CD8B2: variants seen among roughly 807,000 people sequenced by gnomAD.
CD8B2 encodes T-cell surface glycoprotein CD8 beta-2 chain.
A neutral mutation model predicts 23.7 loss-of-function variants in CD8B2; 11 were observed. The observed-to-expected ratio is 0.46, with a 90% CI of 0.29 to 0.77. The LOEUF (loss-of-function observed/expected upper bound fraction) is 0.77. CD8B2 is among the 30% of genes least tolerant of loss of function. CD8B2 has a pLI of 0.09. For missense variants in CD8B2, 197 were observed against 270.5 expected, an observed-to-expected ratio of 0.73 and a Z score of 1.91; for synonymous variants, 90 against 109.3, an observed-to-expected ratio of 0.82 and a Z score of 1.10.
intron 5 of CD8B2, among the ~76,000 whole-genome samples, chr2:106,530,104 T>C (rs1005077866): frequency 4.6e-5 from 7 of 152,338 alleles, no homozygotes; most frequent in South Asian, 2.1e-4. Flanking sequence ...GCTGCCGGTA[T>C]GAGGACTGCA....
intron 5 of CD8B2, among the ~76,000 whole-genome samples, chr2:106,537,128 G>T (rs1680102171): frequency 1.3e-5 from 2 of 152,188 alleles, no homozygotes; most frequent in South Asian, 4.1e-4. Flanking sequence ...GGGAGAGGAA[G>T]ACAGGACATG....
At chr2:106,529,824 GCT>G (rs905646013) in intron 5 of CD8B2, among the ~76,000 whole-genome samples, 1 of 152,190 alleles carries the variant, frequency 6.6e-6, no homozygotes, top group African/African-American at 2.4e-5. Flanking sequence ...CACTGAGGGA[GCT>G]CTGTCTTTGC....
At chr2:106,520,504 T>C (rs955127900) in intron 5 of CD8B2, among the ~76,000 whole-genome samples, 1 of 152,184 alleles carries the variant, frequency 6.6e-6, no homozygotes, top group African/African-American at 2.4e-5. Flanking sequence ...TCAAGCCTCC[T>C]GAAGTGGCCT....
intron 5 of CD8B2, among the ~76,000 whole-genome samples, chr2:106,534,742 C>T (rs1680059719): frequency 6.6e-6 from 1 of 152,102 alleles, no homozygotes; most frequent in African/African-American, 2.4e-5. Flanking sequence ...TATAAAAGCT[C>T]CCTGGGGAGG....
chr2:106,537,715 G>A (rs973187115), intron 5 of CD8B2, among the ~76,000 whole-genome samples: 1 of 152,334 alleles, frequency 6.6e-6, no homozygotes, highest in African/African-American at 2.4e-5. Flanking sequence ...TGAAGTGGCG[G>A]TCGATTTCTA....
chr2:106,525,712 A>G (rs1679896767), intron 5 of CD8B2, among the ~76,000 whole-genome samples: 1 of 152,218 alleles, frequency 6.6e-6, no homozygotes, highest in Non-Finnish European at 1.5e-5. Context: ...TTTTATATAA[A>G]TAATGTATAA....
chr2:106,516,900 T>A (rs1322978169), intron 5 of CD8B2, among the ~76,000 whole-genome samples: 1 of 148,646 alleles, frequency 6.7e-6, no homozygotes, highest in East Asian at 1.9e-4. Context: ...TATTCATATT[T>A]TTATTATAAT....
chr2:106,501,707 A>C (rs1376185071), intron 3 of CD8B2, among the ~76,000 whole-genome samples: 2 of 152,162 alleles, frequency 1.3e-5, no homozygotes, highest in African/African-American at 4.8e-5. Flanking sequence ...ACAAACGAAC[A>C]AACCCTATAT....
intron 5 of CD8B2, among the ~76,000 whole-genome samples, chr2:106,518,967 C>T (rs574484005): frequency 6.6e-6 from 1 of 152,072 alleles, no homozygotes; most frequent in East Asian, 1.9e-4. Flanking sequence ...ATTCCTCCAT[C>T]CATCTATCCC....
chr2:106,493,597 C>T (rs1679238217), intron 2 of CD8B2, among the ~76,000 whole-genome samples: 1 of 152,146 alleles, frequency 6.6e-6, no homozygotes, highest in Non-Finnish European at 1.5e-5. Context: ...CAGGAGAGGG[C>T]CAGGCTCGTT....
chr2:106,536,100 T>A (rs1308313479), intron 5 of CD8B2, among the ~76,000 whole-genome samples: 1 of 147,466 alleles, frequency 6.8e-6, no homozygotes, highest in Non-Finnish European at 1.5e-5. Flanking sequence ...AAGGGTGCAA[T>A]CTCAGCTCAT....
chr2:106,511,606 G>A (rs1452556446), downstream of CD8B2, among the ~76,000 whole-genome samples: 1 of 152,046 alleles, frequency 6.6e-6, no homozygotes, highest in Non-Finnish European at 1.5e-5. Flanking sequence ...TAGGAAGTGG[G>A]CAACTTGTTT....
At chr2:106,534,149 C>A (rs894590782) in intron 5 of CD8B2, among the ~76,000 whole-genome samples, 1 of 152,218 alleles carries the variant, frequency 6.6e-6, no homozygotes, top group African/African-American at 2.4e-5. Flanking sequence ...CCCAACCTTA[C>A]AAGAGCTACG....
chr2:106,526,067 C>G (rs1175902279), intron 5 of CD8B2, among the ~76,000 whole-genome samples: 2 of 152,072 alleles, frequency 1.3e-5, no homozygotes, highest in Non-Finnish European at 2.9e-5. Flanking sequence ...ACGGAGAAAC[C>G]CTGTCTCTAC....
At chr2:106,542,681 T>G (rs1407357915) in intron 5 of CD8B2, among the ~76,000 whole-genome samples, 1 of 147,922 alleles carries the variant, frequency 6.8e-6, no homozygotes, top group African/African-American at 2.5e-5. Flanking sequence ...GAAGTATATA[T>G]TATATATGAA....
chr2:106,512,626 G>A (rs1456399882), downstream of CD8B2, among the ~76,000 whole-genome samples: 2 of 151,670 alleles, frequency 1.3e-5, no homozygotes, highest in South Asian at 2.1e-4. Flanking sequence ...TTTATTTTTA[G>A]TAGAGATGAG....
chr2:106,532,611 AT>A (rs1680005238), intron 5 of CD8B2, among the ~76,000 whole-genome samples: 1 of 152,214 alleles, frequency 6.6e-6, no homozygotes, highest in Admixed American at 6.5e-5. Flanking sequence ...TGGATTATTC[AT>A]GAGTTTTCTG....
At chr2:106,534,924 C>T (rs948197523) in intron 5 of CD8B2, among the ~76,000 whole-genome samples, 5 of 152,092 alleles carry the variant, frequency 3.3e-5, no homozygotes, top group African/African-American at 4.8e-5. Flanking sequence ...TGGGTTCAAG[C>T]GATTCTCTTG....
chr2:106,519,720 GGAA>G (rs1222133608), intron 5 of CD8B2, among the ~76,000 whole-genome samples: 3 of 152,214 alleles, frequency 2.0e-5, no homozygotes, highest in Admixed American at 1.3e-4. Flanking sequence ...GGGCTACACT[GGAA>G]GAAGAACTGT....
Sources: gnomAD v4.1 joint callset for allele counts (sites outside exome capture counted in the v4.1 genomes callset) on GRCh38, gnomAD v4.1.1 for gene constraint, MANE v1.5 for transcripts, NCBI Gene and HGNC (gene_info 2026-07-23, HGNC 2026-07-21) for gene names.